Variants in CMSS1 observed in about 807,000 individuals in gnomAD.
CMSS1 encodes the protein cms1 ribosomal small subunit homolog.
Under a neutral mutation model 43.5 loss-of-function variants are expected in CMSS1, and 33 were observed. The observed-to-expected ratio is 0.76, with a 90% CI of 0.57 to 1.01. CMSS1 has a LOEUF of 1.01. Among genes scored for constraint, CMSS1 ranks in the 50% least tolerant of loss-of-function variants. The pLI is 0.00. For missense variants in CMSS1, 313 were observed against 326.4 expected, an observed-to-expected ratio of 0.96 and a Z score of 0.32; for synonymous variants, 115 against 117.2, an observed-to-expected ratio of 0.98 and a Z score of 0.12.
At chr3:100,003,376 C>T (rs1017652740) in intron 1 of CMSS1, among the ~76,000 whole-genome samples, 3 of 152,184 alleles carry the variant, frequency 2.0e-5, no homozygotes, top group Non-Finnish European at 2.9e-5. Flanking sequence ...TCTTCCCTTA[C>T]GTGGTTGTTT....
At chr3:100,069,973 C>T (rs1043415060) in intron 1 of CMSS1, among the ~76,000 whole-genome samples, 2 of 151,930 alleles carry the variant, frequency 1.3e-5, no homozygotes, top group African/African-American at 4.8e-5. Context: ...TATTTTTCTC[C>T]TTTTTTTTCC....
rs200216895 is a variant in CMSS1 at position 99,978,886 on chromosome 3, C to CA, written c.64+160853dup. 5.6e-3 allele frequency among the ~76,000 whole-genome samples: 787 copies of CA among 140,864 alleles called. 7 individuals are homozygous for CA. The highest frequency in any genetic ancestry group is 0.018 in the African/African-American group (696 of 38,272). The allele number at this position is 140,864 out of a possible 152,430, so 92.4% of individuals were successfully genotyped here. Reference sequence around the variant, plus strand: ...GGCAACAGAGCGAGACTCTTGTTTACAAAAAAAAAAGAAGCAGAAGTAGGG... The same window carrying CA: ...GGCAACAGAGCGAGACTCTTGTTTACAAAAAAAAAAAGAAGCAGAAGTAGGG... On this transcript the variant is annotated intron_variant, in intron 1 of 9. Coordinates refer to ENST00000421999, the MANE Select transcript of CMSS1 (RefSeq NM_032359.4).
intron 1 of CMSS1, among the ~76,000 whole-genome samples, chr3:99,834,429 G>C (rs1942812149): frequency 6.6e-6 from 1 of 152,128 alleles, no homozygotes; most frequent in Non-Finnish European, 1.5e-5. Context: ...CTCTCTTTCT[G>C]TGGAAATTAT....
chr3:99,908,612 G>A (rs1449045109), intron 1 of CMSS1, among the ~76,000 whole-genome samples: 1 of 152,092 alleles, frequency 6.6e-6, no homozygotes, highest in African/African-American at 2.4e-5. Flanking sequence ...GTGTGATCTT[G>A]GGAAAGTTAC....
At chr3:99,936,771 T>G (rs963062341) in intron 1 of CMSS1, among the ~76,000 whole-genome samples, 1 of 151,756 alleles carries the variant, frequency 6.6e-6, no homozygotes, top group African/African-American at 2.4e-5. Context: ...CTCCAGAGCC[T>G]ACTAAATCAC....
chr3:99,869,270 C>G (rs1225883541), intron 1 of CMSS1, among the ~76,000 whole-genome samples: 3 of 152,144 alleles, frequency 2.0e-5, no homozygotes, highest in African/African-American at 7.2e-5. Context: ...TTCTTTGCAT[C>G]TGTGTTCAGC....
At chr3:99,899,421 T>C (rs1441196159) in intron 1 of CMSS1, among the ~76,000 whole-genome samples, 1 of 152,226 alleles carries the variant, frequency 6.6e-6, no homozygotes, top group Non-Finnish European at 1.5e-5. Flanking sequence ...TAAGATCATA[T>C]TGGAAATTAT....
intron 1 of CMSS1, among the ~76,000 whole-genome samples, chr3:99,885,041 A>G (rs1705848084): frequency 1.3e-5 from 2 of 152,210 alleles, no homozygotes; most frequent in South Asian, 4.1e-4. Context: ...TGAGGGAAAA[A>G]ACTGCAGGAG....
intron 1 of CMSS1, among the ~76,000 whole-genome samples, chr3:99,974,003 A>G (rs1394572168): frequency 6.6e-6 from 1 of 152,242 alleles, no homozygotes. Flanking sequence ...TGTGTGATAA[A>G]AGGAAATCTG....
chr3:99,923,835 C>T (rs1164399448), intron 1 of CMSS1, among the ~76,000 whole-genome samples: 1 of 152,236 alleles, frequency 6.6e-6, no homozygotes, highest in Non-Finnish European at 1.5e-5. Flanking sequence ...ATGCCCTATG[C>T]TGTAGCCATG....
rs539828632 is a variant in CMSS1, at chr3:99,882,673, G to A, written c.64+64630G>A. ...ACAGTAAATTGGTGACCCAGTCACT[G>A]TGTTTTCTGGGACTGAATGTTTCTT... On this transcript the variant is annotated intron_variant, in intron 1 of 9. Transcript: ENST00000421999. 1.1e-4 allele frequency among the ~76,000 whole-genome samples: 16 copies of A among 152,300 alleles called. 1 individual carries two copies. In the South Asian group the frequency reaches 3.3e-3, roughly 32 times the overall value.
At position 99,983,389 on chromosome 3, in the gene CMSS1, A is replaced by ATATATAT. The variant is rs1559713312; in HGVS notation, c.65-163584_65-163583insTATATAT. 3.9e-4 allele frequency among the ~76,000 whole-genome samples: 16 copies of ATATATAT among 40,792 alleles called. 1 individual carries two copies. Among genetic ancestry groups the ATATATAT allele is most frequent in the African/African-American group, 1.4e-3 (14 of 9,794 alleles). The allele number at this position is 40,792 out of a possible 152,430, so 26.8% of individuals were successfully genotyped here. On this transcript the variant is annotated intron_variant, in intron 1 of 9. Transcript: ENST00000421999. ...TCTCTACTTAAAAAATAAATAAATA[A>ATATATAT]ATATATATATATATATATATATATA...
chr3:100,036,241 TC>T (rs1202059259), intron 1 of CMSS1, among the ~76,000 whole-genome samples: 2 of 152,292 alleles, frequency 1.3e-5, no homozygotes, highest in East Asian at 3.9e-4. Context: ...ACATAAAGCT[TC>T]TACATCTCAT....
intron 1 of CMSS1, among the ~76,000 whole-genome samples, chr3:99,827,284 C>T (rs1463590918): frequency 6.6e-6 from 1 of 152,128 alleles, no homozygotes; most frequent in African/African-American, 2.4e-5. Context: ...CTCTGCCTCC[C>T]AGACTCAAGC....
intron 1 of CMSS1, among the ~76,000 whole-genome samples, chr3:100,133,701 A>T (rs567821604): frequency 1.3e-5 from 2 of 152,344 alleles, no homozygotes; most frequent in South Asian, 4.1e-4. Context: ...CTCGAAGATC[A>T]ATCCAAACAC....
At chr3:99,938,924 A>G (rs1287444735) in intron 1 of CMSS1, among the ~76,000 whole-genome samples, 1 of 152,242 alleles carries the variant, frequency 6.6e-6, no homozygotes, top group Non-Finnish European at 1.5e-5. Context: ...GATGGCTAAA[A>G]AAAGACAATT....
chr3:100,054,477 A>ATGTTTTGTTATG (rs2065427008), intron 1 of CMSS1, among the ~76,000 whole-genome samples: 1 of 138,072 alleles, frequency 7.2e-6, no homozygotes. Context: ...CGTTCATTAT[A>ATGTTTTGTTATG]TTATGTTATG....
chr3:99,894,724 T>G (rs574712265), intron 1 of CMSS1, among the ~76,000 whole-genome samples: 98 of 152,224 alleles, frequency 6.4e-4, no homozygotes, highest in Non-Finnish European at 1.1e-3. Context: ...ACAAGGAAGC[T>G]TACTCAACCC....
At position 99,923,332 on chromosome 3, in the gene CMSS1, G is replaced by A. The variant is rs558181055; in HGVS notation, c.64+105289G>A. Among the ~76,000 whole-genome samples the A allele has an allele frequency of 5.3e-5, 8 of 152,014 alleles. No homozygotes were observed. In the South Asian group the frequency reaches 1.7e-3, roughly 32 times the overall value. ...ACACCAGATACTGTAATATACCAAGGTACCTCATACTCAACATGTCTAAAC... is the reference window on the plus strand; with the variant it reads ...ACACCAGATACTGTAATATACCAAGATACCTCATACTCAACATGTCTAAAC... On this transcript the variant is annotated intron_variant, in intron 1 of 9. Coordinates refer to ENST00000421999, the MANE Select transcript of CMSS1 (RefSeq NM_032359.4).
Sources: gnomAD v4.1 joint callset for allele counts (sites outside exome capture counted in the v4.1 genomes callset) on GRCh38, gnomAD v4.1.1 for gene constraint, MANE v1.5 for transcripts, NCBI Gene and HGNC (gene_info 2026-07-23, HGNC 2026-07-21) for gene names.